The following TBXAS1 variants were observed in gnomAD, a reference collection of about 807,000 sequenced individuals.
TBXAS1 encodes thromboxane A synthase 1.
Under a neutral mutation model 60.7 loss-of-function variants are expected in TBXAS1, and 48 were observed. That is an observed-to-expected ratio of 0.79 (90% CI 0.63 to 1.01). The LOEUF is 1.01. TBXAS1 is among the 50% of genes least tolerant of loss of function. TBXAS1 has a pLI of 0.00. For missense variants in TBXAS1, 685 were observed against 686.3 expected, an observed-to-expected ratio of 1.00 and a Z score of 0.02; for synonymous variants, 287 against 269.7, an observed-to-expected ratio of 1.06 and a Z score of -0.63.
At position 140,004,044 on chromosome 7, in the gene TBXAS1, A is replaced by C. The variant is rs1168847750; in HGVS notation, c.1135-3047A>C. The stretch of plus-strand genomic sequence containing the variant: ...TGAGGCCAACTGCTGTTTTCTGCTC[A>C]TTAATCCACAAGGCCGAATGTGGCC... On this transcript the variant is annotated intron_variant, in intron 9 of 12. Transcript: ENST00000448866. This position sits in a 1 kb window ranked among gnomAD's most constrained non-coding sequence, Gnocchi z 5.1. Among the ~76,000 whole-genome samples, 1 of 152,162 alleles carries C rather than the reference A, an allele frequency of 6.6e-6. No individual in the cohort carries two copies. The highest frequency in any genetic ancestry group is 1.5e-5 in the Non-Finnish European group (1 of 68,032).
chr7:139,814,315 A>C (rs1798096220), intron 4 of TBXAS1, among the ~76,000 whole-genome samples: 1 of 152,232 alleles, frequency 6.6e-6, no homozygotes, highest in Non-Finnish European at 1.5e-5. Context: ...ATTAGCTGGC[A>C]TGATACATTT....
chr7:139,891,843 G>T (rs144714936), intron 3 of TBXAS1, among the ~76,000 whole-genome samples: 1 of 152,182 alleles, frequency 6.6e-6, no homozygotes. Flanking sequence ...GCTAATTTGG[G>T]TAATGGTACT....
chr7:139,885,685 C>T (rs1265023062), intron 3 of TBXAS1, among the ~76,000 whole-genome samples: 2 of 152,190 alleles, frequency 1.3e-5, no homozygotes, highest in Admixed American at 6.5e-5. Flanking sequence ...TTTGAAGAAG[C>T]AATGAGTTCC....
chr7:139,946,989 A>G (rs1808773019), intron 5 of TBXAS1, among the ~76,000 whole-genome samples: 1 of 152,176 alleles, frequency 6.6e-6, no homozygotes, highest in African/African-American at 2.4e-5. Flanking sequence ...GAGTCACCCA[A>G]AAGGAGAGGA....
intron 5 of TBXAS1, among the ~76,000 whole-genome samples, chr7:139,942,129 G>C (rs921083556): frequency 1.3e-5 from 2 of 152,162 alleles, no homozygotes; most frequent in Admixed American, 6.5e-5. Flanking sequence ...TTAGGAGAAA[G>C]GCATCTAAAC....
At chr7:139,835,862 C>T (rs530153987) in intron 1 of TBXAS1, among the ~76,000 whole-genome samples, 5 of 152,162 alleles carry the variant, frequency 3.3e-5, no homozygotes, top group East Asian at 1.9e-4. Flanking sequence ...ACAATACAAT[C>T]GTTTACCTTG....
chr7:139,844,405 ATGAT>A (rs1799669241), intron 1 of TBXAS1, among the ~76,000 whole-genome samples: 1 of 152,214 alleles, frequency 6.6e-6, no homozygotes, highest in African/African-American at 2.4e-5. Context: ...TATTTAAGTA[ATGAT>A]TGATTAATTT....
intron 3 of TBXAS1, among the ~76,000 whole-genome samples, chr7:139,908,149 T>G (rs1462415504): frequency 6.6e-6 from 1 of 152,034 alleles, no homozygotes; most frequent in Non-Finnish European, 1.5e-5. Context: ...TTCAGGTTCA[T>G]AGAGTTCTGC....
intron 9 of TBXAS1, among the ~76,000 whole-genome samples, chr7:139,973,640 G>A (rs746049061): frequency 5.3e-5 from 8 of 151,510 alleles, no homozygotes; most frequent in Non-Finnish European, 1.2e-4. Context: ...TAGTCCAGGC[G>A]TATGAATATT....
chr7:139,874,897 C>A (rs969382655), intron 2 of TBXAS1, among the ~76,000 whole-genome samples: 3 of 152,192 alleles, frequency 2.0e-5, no homozygotes, highest in Non-Finnish European at 4.4e-5. Flanking sequence ...GAGTTCCAGA[C>A]CAGCCTGGCC....
rs1815182261 is a variant in TBXAS1, at chr7:140,017,651, C to G, written c.1365-20C>G. 1.2e-6 allele frequency: 2 copies of G among 1,611,912 alleles called. No individual in the cohort carries two copies. Among genetic ancestry groups the G allele is most frequent in the Non-Finnish European group, 1.7e-6 (2 of 1,179,536 alleles). On this transcript the variant is annotated intron_variant, in intron 11 of 12. Transcript: ENST00000448866. ...AGGGAGCGGGTGTTCTGGGCCAGCC[C>G]TGACCACACGGACCTGCAGGTTCAC...
chr7:139,936,451 G>A, intron 5 of TBXAS1, 144 bp downstream of exon 5: 1 of 842,278 alleles, frequency 1.2e-6, no homozygotes, highest in East Asian at 2.4e-5. Context: ...AGACCTCTCT[G>A]TTATGCAGAA....
intron 3 of TBXAS1, among the ~76,000 whole-genome samples, chr7:139,878,219 GAGA>G (rs1318017657): frequency 8.0e-3 from 394 of 49,152 alleles, no homozygotes; most frequent in African/African-American, 0.029. Flanking sequence ...AAGAGATAGA[GAGA>G]GATAGAAGAG....
At chr7:140,008,374 G>C (rs545913998) in intron 10 of TBXAS1, among the ~76,000 whole-genome samples, 66 of 151,966 alleles carry the variant, frequency 4.3e-4, no homozygotes, top group Non-Finnish European at 7.1e-4. Flanking sequence ...CCAGCATTAA[G>C]ACCTGATGTG....
chr7:139,995,313 C>G (rs149600676), intron 9 of TBXAS1, among the ~76,000 whole-genome samples: 1 of 152,306 alleles, frequency 6.6e-6, no homozygotes, highest in Non-Finnish European at 1.5e-5. Flanking sequence ...AGCTAGTGAC[C>G]TGCTCTCTGA....
At chr7:139,781,124 A>C (rs1292211082) in intron 2 of TBXAS1, among the ~76,000 whole-genome samples, 1 of 152,270 alleles carries the variant, frequency 6.6e-6, no homozygotes, top group Non-Finnish European at 1.5e-5. Context: ...CCTTCTCTTC[A>C]GACCACCATG....
intron 9 of TBXAS1, among the ~76,000 whole-genome samples, chr7:139,997,947 T>C (rs1022055744): frequency 5.3e-5 from 8 of 152,216 alleles, no homozygotes; most frequent in African/African-American, 1.9e-4. Flanking sequence ...GCTTTATTCA[T>C]AATGGCCCCC....
At chr7:140,018,117 A>G (rs1474781062) in intron 12 of TBXAS1, among the ~76,000 whole-genome samples, 3 of 152,190 alleles carry the variant, frequency 2.0e-5, no homozygotes, top group Non-Finnish European at 4.4e-5. Flanking sequence ...CATTGTTATT[A>G]GTATTGTTCT....
chr7:139,970,381 A>G (rs930531798), intron 9 of TBXAS1, among the ~76,000 whole-genome samples: 16 of 152,202 alleles, frequency 1.1e-4, no homozygotes, highest in African/African-American at 3.9e-4. Flanking sequence ...TGCTGGGATT[A>G]CAGGCGTGAG....
Sources: gnomAD v4.1 joint callset for allele counts (sites outside exome capture counted in the v4.1 genomes callset) on GRCh38, gnomAD v4.1.1 for gene constraint, Gnocchi (gnomAD v3.1) non-coding constraint, MANE v1.5 for transcripts, NCBI Gene and HGNC (gene_info 2026-07-23, HGNC 2026-07-21) for gene names.